Variants in GPRASP3 observed in about 807,000 individuals in gnomAD.
GPRASP3 encodes G protein-coupled receptor associated sorting protein 3.
chrX:102,733,901 A>G, the GPRASP3 span, among the ~76,000 whole-genome samples: 1 of 109,581 alleles, frequency 9.1e-6, no homozygotes, highest in Non-Finnish European at 1.9e-5. Flanking sequence ...GCGAAGGGAG[A>G]TAGGGGTGGA....
the GPRASP3 span, among the ~76,000 whole-genome samples, chrX:102,722,617 A>G: frequency 1.8e-5 from 2 of 111,645 alleles, no homozygotes; most frequent in Non-Finnish European, 3.8e-5. Flanking sequence ...GACCATCCAT[A>G]TCTTGAAGCT....
chrX:102,751,303 G>A, the GPRASP3 span: 3 of 123,722 alleles, frequency 2.4e-5, no homozygotes, highest in East Asian at 2.8e-4. Flanking sequence ...GGCAGGAAAC[G>A]TTTTGTGAGT....
At chrX:102,736,978 G>A in the GPRASP3 span, among the ~76,000 whole-genome samples, 2 of 111,846 alleles carry the variant, frequency 1.8e-5, no homozygotes, top group Non-Finnish European at 3.8e-5. Flanking sequence ...TTCCCAAAAC[G>A]GGGTCTGTGG....
the GPRASP3 span, chrX:102,748,843 A>G: frequency 8.4e-5 from 46 of 545,696 alleles, no homozygotes; most frequent in Non-Finnish European, 2.9e-5. Flanking sequence ...TATGTTTGGA[A>G]AGAGAACTTT....
the GPRASP3 span, among the ~76,000 whole-genome samples, chrX:102,742,950 G>A: frequency 1.8e-5 from 2 of 111,652 alleles, no homozygotes; most frequent in East Asian, 2.8e-4. Flanking sequence ...CATGTAAGAT[G>A]CACATTGGTT....
At chrX:102,727,033 A>G in the GPRASP3 span, among the ~76,000 whole-genome samples, 2 of 112,759 alleles carry the variant, frequency 1.8e-5, no homozygotes, top group Non-Finnish European at 3.7e-5. Flanking sequence ...TCACTGATGG[A>G]CACAAGTCAG....
At chrX:102,728,072 A>G in the GPRASP3 span, among the ~76,000 whole-genome samples, 4 of 111,915 alleles carry the variant, frequency 3.6e-5, no homozygotes, top group African/African-American at 1.3e-4. Flanking sequence ...ATCATTAGGC[A>G]GTTAATGTAA....
the GPRASP3 span, chrX:102,749,840 G>C: frequency 2.5e-6 from 3 of 1,208,093 alleles, no homozygotes; most frequent in East Asian, 3.0e-5. Flanking sequence ...CCTGAGTGTC[G>C]TTTTGATTCT....
the GPRASP3 span, among the ~76,000 whole-genome samples, chrX:102,728,497 G>A: frequency 2.8e-5 from 3 of 109,081 alleles, no homozygotes; most frequent in Non-Finnish European, 5.7e-5. Context: ...GAGCAGCTGG[G>A]TTTTCCAGGG....
chrX:102,738,426 C>T, the GPRASP3 span, among the ~76,000 whole-genome samples: 1 of 111,954 alleles, frequency 8.9e-6, no homozygotes, highest in Non-Finnish European at 1.9e-5. Flanking sequence ...CAGTGAGCCC[C>T]TGTCCATCCC....
the GPRASP3 span, among the ~76,000 whole-genome samples, chrX:102,727,112 A>G: frequency 8.9e-6 from 1 of 112,768 alleles, no homozygotes; most frequent in African/African-American, 3.2e-5. Context: ...TTCATATAAC[A>G]AGGAATTCAA....
the GPRASP3 span, among the ~76,000 whole-genome samples, chrX:102,739,254 C>T: frequency 9.0e-6 from 1 of 111,508 alleles, no homozygotes; most frequent in Admixed American, 9.5e-5. Context: ...TAGTGACTCT[C>T]ACTCAGAGGA....
At chrX:102,745,496 G>A in the GPRASP3 span, among the ~76,000 whole-genome samples, 1 of 110,819 alleles carries the variant, frequency 9.0e-6, no homozygotes, top group Admixed American at 9.5e-5. Flanking sequence ...CGCACAAGAG[G>A]ACCACCCTAG....
the GPRASP3 span, among the ~76,000 whole-genome samples, chrX:102,727,592 G>A: frequency 8.9e-6 from 1 of 112,308 alleles, no homozygotes; most frequent in African/African-American, 3.2e-5. Flanking sequence ...CATCCTTTTA[G>A]TAAAGGGTTA....
At chrX:102,747,625 A>G in the GPRASP3 span, 1 of 112,314 alleles carries the variant, frequency 8.9e-6, no homozygotes, top group Non-Finnish European at 1.9e-5. Flanking sequence ...GACTGACTTC[A>G]AAGTTGGCAG....
chrX:102,751,784 T>C, the GPRASP3 span: 1 of 123,059 alleles, frequency 8.1e-6, no homozygotes, highest in African/African-American at 3.3e-5. Flanking sequence ...CTTTGTTCAA[T>C]GAGTAAGATG....
chrX:102,727,888 A>T, the GPRASP3 span, among the ~76,000 whole-genome samples: 1 of 111,977 alleles, frequency 8.9e-6, no homozygotes, highest in African/African-American at 3.2e-5. Flanking sequence ...CTGGGTTATA[A>T]AGACGTTAAG....
chrX:102,728,406 C>T, the GPRASP3 span, among the ~76,000 whole-genome samples: 2 of 109,460 alleles, frequency 1.8e-5, no homozygotes, highest in East Asian at 5.8e-4. Context: ...TTGCACATTA[C>T]AAATTTTTGG....
chrX:102,738,071 G>A, the GPRASP3 span, among the ~76,000 whole-genome samples: 2 of 111,582 alleles, frequency 1.8e-5, no homozygotes, highest in African/African-American at 6.5e-5. Context: ...CTCCTGCACA[G>A]GGGTTCCAAG....
Sources: gnomAD v4.1 joint callset for allele counts (sites outside exome capture counted in the v4.1 genomes callset) on GRCh38, gnomAD v4.1.1 for gene constraint, MANE v1.5 for transcripts, NCBI Gene and HGNC (gene_info 2026-07-23, HGNC 2026-07-21) for gene names.